STAT4: variants seen among roughly 807,000 people sequenced by gnomAD.
STAT4 encodes the protein signal transducer and activator of transcription 4.
STAT4 carries 42 observed loss-of-function variants against 110.5 expected under a neutral mutation model. That is an observed-to-expected ratio of 0.38 (90% CI 0.30 to 0.49). STAT4 has a LOEUF of 0.49. STAT4 is among the 20% of genes least tolerant of loss of function. STAT4 has a pLI of 0.95. For synonymous variants in STAT4, 284 were observed against 302.2 expected, an observed-to-expected ratio of 0.94 and a Z score of 0.63; for missense variants, 632 against 887.9, an observed-to-expected ratio of 0.71 and a Z score of 3.66.
At chr2:191,034,266 T>C (rs866359359) in intron 18 of STAT4, among the ~76,000 whole-genome samples, 2 of 151,636 alleles carry the variant, frequency 1.3e-5, no homozygotes, top group East Asian at 3.9e-4. Context: ...ACTAAAAATA[T>C]GAAAAAATTA....
chr2:191,112,078 G>A lies in STAT4; in HGVS notation c.273+34535C>T, dbSNP rs1447234696. On this transcript the variant is annotated intron_variant, in intron 3 of 23. Transcript: ENST00000392320. This position sits in a 1 kb window ranked among gnomAD's most constrained non-coding sequence, Gnocchi z 4.3. ...CTTGATTGTGATAATGGTTTCATGG[G>A]TATACACTTATGTCAAAACTTGTCA... 2.6e-5 allele frequency among the ~76,000 whole-genome samples: 4 copies of A among 152,042 alleles called. No homozygotes were observed. Among genetic ancestry groups the A allele is most frequent in the African/African-American group, 9.7e-5 (4 of 41,382 alleles).
At position 191,090,816 on chromosome 2, in the gene STAT4, C is replaced by T. The variant is rs1697777562; in HGVS notation, c.274-14491G>A. Reference sequence around the variant, plus strand: ...CACCAAGACAGGGGATGGTCTCGATCCCCTGACCTCGTGATCCACCCACCT... The same window carrying T: ...CACCAAGACAGGGGATGGTCTCGATTCCCTGACCTCGTGATCCACCCACCT... On this transcript the variant is annotated intron_variant, in intron 3 of 23. Coordinates refer to ENST00000392320, the MANE Select transcript of STAT4 (RefSeq NM_003151.4). This position sits in a 1 kb window ranked among gnomAD's most constrained non-coding sequence, Gnocchi z 4.2. 6.6e-6 allele frequency among the ~76,000 whole-genome samples: 1 copy of T among 152,160 alleles called. No homozygotes were observed. Among genetic ancestry groups the T allele is most frequent in the Non-Finnish European group, 1.5e-5 (1 of 68,028 alleles).
At position 191,058,820 on chromosome 2, in the gene STAT4, T is replaced by C. The variant is rs759519954; in HGVS notation, c.1035-51A>G. On this transcript the variant is annotated intron_variant, in intron 10 of 23. Transcript: ENST00000392320. This position sits in a 1 kb window ranked among gnomAD's most constrained non-coding sequence, Gnocchi z 4.3. Reference sequence around the variant, plus strand: ...ATCAAAGATAAAAATTAAAAGTGTTTAAAAACCCTTTTTTATATTTAAACA... The same window carrying C: ...ATCAAAGATAAAAATTAAAAGTGTTCAAAAACCCTTTTTTATATTTAAACA... 1.7e-5 allele frequency: 18 copies of C among 1,082,792 alleles called. No homozygotes were observed. In the South Asian group the frequency reaches 2.6e-4, roughly 16 times the overall value. The allele number at this position is 1,082,792 out of a possible 1,614,324, so 67.1% of individuals were successfully genotyped here.
At position 191,053,977 on chromosome 2, in the gene STAT4, A is replaced by G. The variant is rs1696601285; in HGVS notation, c.1251+513T>C. The stretch of plus-strand genomic sequence containing the variant: ...ACTCTGTCTCTACGAAAAATACAAA[A>G]ACTAGCCAGGTATGGTGGCACATGC... On this transcript the variant is annotated intron_variant, in intron 14 of 23. Coordinates refer to ENST00000392320, the MANE Select transcript of STAT4 (RefSeq NM_003151.4). This position sits in a 1 kb window ranked among gnomAD's most constrained non-coding sequence, Gnocchi z 4.5. Among the ~76,000 whole-genome samples the G allele has an allele frequency of 6.6e-6, 1 of 152,094 alleles. No individual in the cohort carries two copies. Among genetic ancestry groups the G allele is most frequent in the Non-Finnish European group, 1.5e-5 (1 of 68,016 alleles).
In STAT4 at chr2:191,058,684, A is replaced by G. The variant is rs1399942898; in HGVS notation, c.1094+26T>C. ...TAAAAGTCTTACATTTGGAATTGTAATTCAAAACGAAATTAGAAAACTTAC... is the reference window on the plus strand; with the variant it reads ...TAAAAGTCTTACATTTGGAATTGTAGTTCAAAACGAAATTAGAAAACTTAC... On this transcript the variant is annotated intron_variant, in intron 11 of 23. Transcript: ENST00000392320. This position sits in a 1 kb window ranked among gnomAD's most constrained non-coding sequence, Gnocchi z 4.3. The G allele has an allele frequency of 1.4e-6, 2 of 1,462,614 alleles. No individual in the cohort carries two copies. The highest frequency in any genetic ancestry group is 1.4e-5 in the African/African-American group (1 of 70,696). The allele number at this position is 1,462,614 out of a possible 1,614,324, so 90.6% of individuals were successfully genotyped here.
In STAT4 at chr2:191,086,554, A is replaced by C. The variant is rs561476775; in HGVS notation, c.274-10229T>G. ...ACTGTGCAAATAAATTACTCCTGCT[A>C]TGATGTTGTCTTTAGTAAAATTGGG... On this transcript the variant is annotated intron_variant, in intron 3 of 23. Transcript: ENST00000392320. The surrounding 1 kb of genome is among the most constrained non-coding windows in gnomAD (Gnocchi z 5.5). Among the ~76,000 whole-genome samples the C allele has an allele frequency of 1.3e-5, 2 of 152,296 alleles. No homozygotes were observed. Among genetic ancestry groups the C allele is most frequent in the South Asian group, 4.1e-4 (2 of 4,824 alleles).
At chr2:191,084,377 G>A (rs905576850) in intron 3 of STAT4, among the ~76,000 whole-genome samples, 3 of 152,078 alleles carry the variant, frequency 2.0e-5, no homozygotes, top group African/African-American at 7.2e-5. Flanking sequence ...ATGGTTCTTT[G>A]ATCTGGGCTC....
intron 3 of STAT4, among the ~76,000 whole-genome samples, chr2:191,141,402 TATACATATACATATGTATATCACATAC>T (rs1422124221): frequency 6.8e-6 from 1 of 146,870 alleles, no homozygotes; most frequent in Admixed American, 6.9e-5. Context: ...ATATCATATA[TATACATATACATATGTATATCACATAC>T]ATACATATAC....
In STAT4 at chr2:191,091,931, T is replaced by C. The variant is rs1697808528; in HGVS notation, c.274-15606A>G. 6.6e-6 allele frequency among the ~76,000 whole-genome samples: 1 copy of C among 152,180 alleles called. No individual in the cohort carries two copies. The highest frequency in any genetic ancestry group is 2.1e-4 in the South Asian group (1 of 4,832). On this transcript the variant is annotated intron_variant, in intron 3 of 23. Coordinates refer to ENST00000392320, the MANE Select transcript of STAT4 (RefSeq NM_003151.4). The surrounding 1 kb of genome is among the most constrained non-coding windows in gnomAD (Gnocchi z 5.4). ...TATACCATAAGGTCATTGTATCCAA[T>C]AGTAATGACATATAACTAGATTAGC...
chr2:191,038,823 C>T (rs1696112408), intron 16 of STAT4, among the ~76,000 whole-genome samples: 1 of 152,172 alleles, frequency 6.6e-6, no homozygotes, highest in Non-Finnish European at 1.5e-5. Flanking sequence ...CAATTCTCTA[C>T]CTTTGTAGAA....
intron 18 of STAT4, 126 bp downstream of exon 18, chr2:191,034,419 TCTC>T: frequency 1.5e-6 from 1 of 681,342 alleles, no homozygotes; most frequent in Admixed American, 2.7e-5. Flanking sequence ...CAAGACTCTA[TCTC>T]AAAAAAAAAA....
intron 3 of STAT4, among the ~76,000 whole-genome samples, chr2:191,132,584 G>A (rs1175478447): frequency 6.6e-6 from 1 of 151,606 alleles, no homozygotes; most frequent in Non-Finnish European, 1.5e-5. Flanking sequence ...CAAGGATAAT[G>A]TAACTAACAA....
intron 14 of STAT4, among the ~76,000 whole-genome samples, chr2:191,047,014 G>A (rs1021836724): frequency 2.0e-5 from 3 of 152,172 alleles, no homozygotes; most frequent in African/African-American, 7.2e-5. Context: ...CCTCTGGGAA[G>A]GGGAGAGGGA....
chr2:191,052,638 T>C (rs544395869), intron 14 of STAT4, among the ~76,000 whole-genome samples: 2 of 152,282 alleles, frequency 1.3e-5, no homozygotes, highest in South Asian at 4.1e-4. Context: ...GCTATTTGGA[T>C]TTATTTGATT....
intron 16 of STAT4, 92 bp from the exon 17 acceptor site, chr2:191,036,391 C>T: frequency 1.5e-6 from 2 of 1,307,320 alleles, no homozygotes; most frequent in Non-Finnish European, 2.1e-6. Context: ...CCCCCTCTCC[C>T]CACACACATA....
Position 191,064,922 on chromosome 2 carries a change from T to A in STAT4, c.667A>T (p.Thr223Ser). The A allele has an allele frequency of 6.2e-7, 1 of 1,609,028 alleles. No individual in the cohort carries two copies. The highest frequency in any genetic ancestry group is 8.5e-7 in the Non-Finnish European group (1 of 1,177,894). Reference sequence around the variant, plus strand: ...AGCATGGTGTTCATTAACAGGTCTGTCTCATGGATGATTTGGGTCATTTTA... The same window carrying A: ...AGCATGGTGTTCATTAACAGGTCTGACTCATGGATGATTTGGGTCATTTTA... ...LSKMTQIIHETDLLMNTMLIE... is the reference protein window; with the variant it reads ...LSKMTQIIHESDLLMNTMLIE... The change falls in exon 8 of 24, where the codon ACA (threonine) becomes TCA (serine). Residue 223 changes from threonine to serine, a missense_variant. Physicochemically the swap from Thr to Ser is moderately conservative, Grantham distance 58. Transcript: ENST00000392320.
chr2:191,045,733 T>C (rs947288065), intron 14 of STAT4, among the ~76,000 whole-genome samples: 1 of 152,182 alleles, frequency 6.6e-6, no homozygotes, highest in Non-Finnish European at 1.5e-5. Flanking sequence ...AGATTCGTTA[T>C]TGAGAAGGAA....
rs1003191910 is a variant in STAT4 at position 191,039,055 on chromosome 2, G to A, written c.1434+144C>T. The A allele has an allele frequency of 1.5e-6, 1 of 687,956 alleles. No individual in the cohort carries two copies. The highest frequency in any genetic ancestry group is 1.7e-5 in the South Asian group (1 of 57,398). 42.6% of individuals were successfully genotyped at this position (687,956 alleles called of 1,614,324 possible). The stretch of plus-strand genomic sequence containing the variant: ...TACTACTTTAAATATGACATGAGAG[G>A]AAACATACAACTAGAAATACTACAA... On this transcript the variant is annotated intron_variant, in intron 16 of 23. Transcript: ENST00000392320. The surrounding 1 kb of genome is among the most constrained non-coding windows in gnomAD (Gnocchi z 4.7).
chr2:191,058,718 T>C lies in STAT4; in HGVS notation c.1086A>G (p.Ser362=), dbSNP rs1379022234. ...GAAATTAGAAAACTTACTTGTCAAT[T>C]GATGCCTTAACCTTTACCTGATAGT... ...ELNYQVKVKA[S]IDKNVSTLSN... is the part of the protein sequence containing the mutation. The change falls in exon 11 of 24, where the codon TCA becomes TCG. Residue 362 remains serine, a synonymous_variant. Coordinates refer to ENST00000392320, the MANE Select transcript of STAT4 (RefSeq NM_003151.4). This position sits in a 1 kb window ranked among gnomAD's most constrained non-coding sequence, Gnocchi z 4.3. 6.3e-7 allele frequency: 1 copy of C among 1,586,620 alleles called. No homozygotes were observed. The highest frequency in any genetic ancestry group is 8.6e-7 in the Non-Finnish European group (1 of 1,165,790).
Sources: allele counts gnomAD v4.1 joint callset (sites outside exome capture counted in the v4.1 genomes callset), GRCh38; gene constraint gnomAD v4.1.1; non-coding constraint Gnocchi (gnomAD v3.1); transcripts MANE v1.5; gene names NCBI Gene and HGNC (gene_info 2026-07-23, HGNC 2026-07-21).